Variants in ATXN1 observed in about 807,000 individuals in gnomAD.
ATXN1 encodes ataxin-1.
A neutral mutation model predicts 56.4 loss-of-function variants in ATXN1; 8 were observed. The ratio of observed to expected loss-of-function variants is 0.14; its 90% CI spans 0.08 to 0.26. The LOEUF is 0.26. ATXN1 is among the 10% of genes least tolerant of loss of function. The probability of loss-of-function intolerance (pLI) is 1.00; values close to 1 mark genes in which losing one functional copy is unlikely to be tolerated. For synonymous variants in ATXN1, 514 were observed against 494.6 expected, an observed-to-expected ratio of 1.04 and a Z score of -0.52; for missense variants, 987 against 1,106.5, an observed-to-expected ratio of 0.89 and a Z score of 1.53.
At chr6:16,486,832 G>A (rs770060887) in intron 5 of ATXN1, among the ~76,000 whole-genome samples, 6 of 151,980 alleles carry the variant, frequency 3.9e-5, no homozygotes, top group Non-Finnish European at 5.9e-5. Flanking sequence ...GCAGCGTTTC[G>A]TGCACTGAAT....
chr6:16,324,454 G>GA (rs5874552), intron 7 of ATXN1, among the ~76,000 whole-genome samples: 409 of 144,688 alleles, frequency 2.8e-3, no homozygotes, highest in African/African-American at 2.9e-3. Context: ...TCTCAAAAAT[G>GA]AAAAAAAAAA....
At chr6:16,721,023 T>C (rs1344007405) in intron 2 of ATXN1, among the ~76,000 whole-genome samples, 2 of 152,232 alleles carry the variant, frequency 1.3e-5, no homozygotes, top group Non-Finnish European at 2.9e-5. Flanking sequence ...AATCTGAGAT[T>C]TGTGCTTGAC....
intron 4 of ATXN1, among the ~76,000 whole-genome samples, chr6:16,542,123 G>A (rs948307229): frequency 6.6e-6 from 1 of 151,868 alleles, no homozygotes; most frequent in Non-Finnish European, 1.5e-5. Context: ...ATGCAACACT[G>A]AGAGACATTA....
intron 6 of ATXN1, among the ~76,000 whole-genome samples, chr6:16,411,884 T>C (rs948222495): frequency 1.3e-5 from 2 of 152,254 alleles, no homozygotes; most frequent in Non-Finnish European, 2.9e-5. Context: ...TTTAAGTTGT[T>C]CTTATTAATA....
At chr6:16,725,343 G>A (rs769648453) in intron 2 of ATXN1, among the ~76,000 whole-genome samples, 1 of 152,044 alleles carries the variant, frequency 6.6e-6, no homozygotes, top group Non-Finnish European at 1.5e-5. Flanking sequence ...TTGTTATTGC[G>A]AGTTCCTTAA....
chr6:16,327,596 G>A lies in ATXN1; in HGVS notation c.715C>T (p.Pro239Ser), dbSNP rs938705579. ...RAPGLITPGS[P>S]PPAQQNQYVH... Reference sequence around the variant, plus strand: ...TACTGGTTCTGCTGGGCTGGTGGGGGGGACCCCGGGGTGATGAGCCCCGGA... The same window carrying A: ...TACTGGTTCTGCTGGGCTGGTGGGGAGGACCCCGGGGTGATGAGCCCCGGA... The change falls in exon 7 of 8, where the codon CCC becomes TCC. Residue 239 changes from proline to serine, a missense_variant. Physicochemically the swap from Pro to Ser is moderately conservative, Grantham distance 74. Around this residue, in one of 3 missense-constraint regions of ATXN1, gnomAD observed 723 missense variants for 791.7 expected, o/e 0.91. Coordinates refer to ENST00000436367, the MANE Select transcript of ATXN1 (RefSeq NM_001128164.2). The A allele has an allele frequency of 6.3e-7, 1 of 1,593,720 alleles. No individual in the cohort carries two copies. The highest frequency in any genetic ancestry group is 8.5e-7 in the Non-Finnish European group (1 of 1,171,122).
chr6:16,521,733 T>C (rs1761294633), intron 5 of ATXN1, among the ~76,000 whole-genome samples: 1 of 152,330 alleles, frequency 6.6e-6, no homozygotes, highest in South Asian at 2.1e-4. Context: ...AGGTGTACCA[T>C]GACTTCTAGC....
chr6:16,695,033 G>A (rs1478425321), intron 2 of ATXN1, among the ~76,000 whole-genome samples: 1 of 152,114 alleles, frequency 6.6e-6, no homozygotes, highest in East Asian at 1.9e-4. Context: ...GTTATTCTGT[G>A]AACCACAGTG....
intron 6 of ATXN1, among the ~76,000 whole-genome samples, chr6:16,415,293 G>A (rs181766566): frequency 1.4e-4 from 21 of 152,170 alleles, no homozygotes; most frequent in Middle Eastern, 6.8e-3. Context: ...GAAATGGTGC[G>A]ATCTCGGCTC....
chr6:16,570,882 C>A (rs1019460311), intron 4 of ATXN1, among the ~76,000 whole-genome samples: 11 of 152,148 alleles, frequency 7.2e-5, no homozygotes, highest in African/African-American at 2.7e-4. Flanking sequence ...GAGCTGTCCA[C>A]CCTCATCACT....
chr6:16,614,245 C>T (rs1027340448), intron 3 of ATXN1, among the ~76,000 whole-genome samples: 1 of 151,632 alleles, frequency 6.6e-6, no homozygotes, highest in African/African-American at 2.4e-5. Flanking sequence ...GAAGGGAGAA[C>T]TGTTACTATC....
chr6:16,589,918 G>A (rs1163163864), intron 3 of ATXN1, among the ~76,000 whole-genome samples: 2 of 152,106 alleles, frequency 1.3e-5, no homozygotes, highest in Non-Finnish European at 2.9e-5. Context: ...TGATTGTTTC[G>A]GTAATCTGTG....
chr6:16,633,530 T>G (rs935265720), intron 3 of ATXN1, among the ~76,000 whole-genome samples: 22 of 152,134 alleles, frequency 1.4e-4, no homozygotes, highest in African/African-American at 5.3e-4. Context: ...TTTAAACTCT[T>G]AACCAATGCC....
chr6:16,634,135 A>T (rs1442169435), intron 3 of ATXN1, among the ~76,000 whole-genome samples: 2 of 152,182 alleles, frequency 1.3e-5, no homozygotes, highest in African/African-American at 4.8e-5. Flanking sequence ...TCTTTATACA[A>T]TCACTACTCT....
intron 5 of ATXN1, among the ~76,000 whole-genome samples, chr6:16,515,505 G>C (rs1243184488): frequency 1.3e-5 from 2 of 152,150 alleles, no homozygotes. Flanking sequence ...CTCGCAGGCA[G>C]GTTTCTCTTC....
rs933767660 is a variant in ATXN1, at chr6:16,760,220, C to A, written c.-730+1078G>T. Among the ~76,000 whole-genome samples the A allele has an allele frequency of 1.3e-5, 2 of 151,942 alleles. No homozygotes were observed. Among genetic ancestry groups the A allele is most frequent in the African/African-American group, 2.4e-5 (1 of 41,394 alleles). ...TGGGGCTCCAGGGCGCATCCCAATC[C>A]CCGCAGCGCCTCCTCCGCGGCGGCC... On this transcript the variant is annotated intron_variant, in intron 1 of 7. Coordinates refer to ENST00000436367, the MANE Select transcript of ATXN1 (RefSeq NM_001128164.2). The surrounding 1 kb of genome is among the most constrained non-coding windows in gnomAD (Gnocchi z 5.3).
chr6:16,710,147 C>T (rs1581384666), intron 2 of ATXN1, among the ~76,000 whole-genome samples: 1 of 151,992 alleles, frequency 6.6e-6, no homozygotes, highest in East Asian at 1.9e-4. Flanking sequence ...CCTGTACGAT[C>T]AGAAAAAAAG....
chr6:16,379,992 T>C (rs925902927), intron 6 of ATXN1, among the ~76,000 whole-genome samples: 14 of 152,210 alleles, frequency 9.2e-5, no homozygotes, highest in African/African-American at 3.4e-4. Context: ...CAGCAGGCTA[T>C]AGAATGTTTC....
chr6:16,514,825 T>C, intron 5 of ATXN1, among the ~76,000 whole-genome samples: 1 of 151,508 alleles, frequency 6.6e-6, no homozygotes, highest in Non-Finnish European at 1.5e-5. Flanking sequence ...CTACTAAAAA[T>C]ACAAAAAATT....
Sources: allele counts gnomAD v4.1 joint callset (sites outside exome capture counted in the v4.1 genomes callset), GRCh38; gene constraint gnomAD v4.1.1; regional missense constraint gnomAD v4.1.1; non-coding constraint Gnocchi (gnomAD v3.1); transcripts MANE v1.5; gene names NCBI Gene and HGNC (gene_info 2026-07-23, HGNC 2026-07-21).